HELLS: variants seen among roughly 807,000 people sequenced by gnomAD.
HELLS encodes the protein helicase, lymphoid specific, also known as lymphoid-specific helicase.
Under a neutral mutation model 120.0 loss-of-function variants are expected in HELLS, and 32 were observed. The ratio of observed to expected loss-of-function variants is 0.27; its 90% CI spans 0.20 to 0.36. HELLS has a LOEUF of 0.36. Among genes scored for constraint, HELLS ranks in the 10% least tolerant of loss-of-function variants. The pLI is 1.00. For missense variants in HELLS, 650 were observed against 993.4 expected, an observed-to-expected ratio of 0.65 and a Z score of 4.65; for synonymous variants, 341 against 323.4, an observed-to-expected ratio of 1.05 and a Z score of -0.58.
intron 19 of HELLS, among the ~76,000 whole-genome samples, chr10:94,596,359 C>T (rs1376517353): frequency 6.6e-6 from 1 of 152,210 alleles, no homozygotes; most frequent in African/African-American, 2.4e-5. Flanking sequence ...AATTCCTATG[C>T]TCCCCTTACC....
chr10:94,610,260 G>A (rs990989910), exon 10 of HELLS: 2 of 152,000 alleles, frequency 1.3e-5, no homozygotes, highest in African/African-American at 2.4e-5. Context: ...AAAACCAAGC[G>A]AATACACTGG....
At chr10:94,568,501 C>T (rs941524936) in intron 6 of HELLS, among the ~76,000 whole-genome samples, 1 of 152,042 alleles carries the variant, frequency 6.6e-6, no homozygotes, top group Non-Finnish European at 1.5e-5. Flanking sequence ...TCATTTGCTG[C>T]TACTCTGGTG....
intron 7 of HELLS, among the ~76,000 whole-genome samples, chr10:94,572,750 T>A (rs953632399): frequency 6.6e-6 from 1 of 152,194 alleles, no homozygotes; most frequent in Non-Finnish European, 1.5e-5. Context: ...AGTACAGATT[T>A]TCCCCCCCAA....
At chr10:94,607,025 G>A (rs1846136705), downstream of HELLS, among the ~76,000 whole-genome samples, 1 of 152,196 alleles carries the variant, frequency 6.6e-6, no homozygotes, top group African/African-American at 2.4e-5. Flanking sequence ...AGGAGGGACA[G>A]TGTATTAGAG....
Position 94,588,337 on chromosome 10 carries a change from T to G in HELLS, c.1435T>G (p.Phe479Val). 1 of 1,612,942 alleles carries G rather than the reference T, an allele frequency of 6.2e-7. No individual in the cohort carries two copies. Among genetic ancestry groups the G allele is most frequent in the Non-Finnish European group, 8.5e-7 (1 of 1,179,356 alleles). Residue 479 changes from phenylalanine to valine, a missense_variant, in exon 13 of 22, where the codon TTT (phenylalanine) becomes GTT (valine). Around this residue, in one of 9 missense-constraint regions of HELLS, gnomAD observed 191 missense variants for 259.7 expected, o/e 0.74. Transcript: ENST00000348459. ...YAPLSKKQEI[F>V]YTAIVNRTIA... is the part of the protein sequence containing the mutation. ...TCCACTTTCAAAGAAGCAGGAGATCTTTTATACAGCCATTGTGAACCGTAC... is the reference window on the plus strand; with the variant it reads ...TCCACTTTCAAAGAAGCAGGAGATCGTTTATACAGCCATTGTGAACCGTAC...
At chr10:94,586,332 G>A (rs569374699) in intron 12 of HELLS, among the ~76,000 whole-genome samples, 28 of 152,068 alleles carry the variant, frequency 1.8e-4, no homozygotes, top group African/African-American at 6.3e-4. Flanking sequence ...TGTGTTAGCC[G>A]GGATGGTCTC....
chr10:94,589,211 G>A (rs899772432), intron 13 of HELLS, among the ~76,000 whole-genome samples: 11 of 152,140 alleles, frequency 7.2e-5, no homozygotes, highest in Non-Finnish European at 1.5e-4. Context: ...CATGCTTTCT[G>A]GAGATGAACT....
At chr10:94,600,111 T>G (rs933236202) in intron 21 of HELLS, among the ~76,000 whole-genome samples, 2 of 151,928 alleles carry the variant, frequency 1.3e-5, no homozygotes, top group African/African-American at 4.8e-5. Context: ...GGCAACACGG[T>G]GAAACCCTGT....
In HELLS at chr10:94,588,319, T is replaced by A. The variant is rs1373719401; in HGVS notation, c.1417T>A (p.Ser473Thr). The A allele has an allele frequency of 6.2e-6, 10 of 1,612,808 alleles. No individual in the cohort carries two copies. The highest frequency in any genetic ancestry group is 3.3e-5 in the Admixed American group (2 of 59,918). Residue 473 changes from serine (S) to threonine (T), a missense_variant, in exon 13 of 22, where the codon TCA becomes ACA. By Grantham distance (58) the Ser-to-Thr change is moderately conservative (BLOSUM62 1). Coordinates refer to ENST00000348459, the MANE Select transcript of HELLS (RefSeq NM_018063.5). The part of the protein sequence containing the change: ...KREVVVYAPL[S>T]KKQEIFYTAI... ...AGAAGTAGTCGTTTATGCTCCACTT[T>A]CAAAGAAGCAGGAGATCTTTTATAC... is the stretch of plus-strand genomic sequence containing the variant.
chr10:94,607,092 C>A (rs1026646928), downstream of HELLS, among the ~76,000 whole-genome samples: 2 of 152,128 alleles, frequency 1.3e-5, no homozygotes, highest in Non-Finnish European at 2.9e-5. Flanking sequence ...TCTACCCTGT[C>A]TATATGTGGA....
At chr10:94,581,784 C>A (rs1273936945) in intron 11 of HELLS, among the ~76,000 whole-genome samples, 1 of 152,100 alleles carries the variant, frequency 6.6e-6, no homozygotes, top group Non-Finnish European at 1.5e-5. Context: ...TTATGTGTTA[C>A]CTTTGTAAAA....
chr10:94,607,169 G>A (rs1204970515), intron 8 of HELLS, among the ~76,000 whole-genome samples: 3 of 152,186 alleles, frequency 2.0e-5, no homozygotes, highest in Non-Finnish European at 2.9e-5. Context: ...CACTGTGAGG[G>A]GGAGTGGTAA....
chr10:94,593,023 C>T (rs971843863), intron 17 of HELLS, among the ~76,000 whole-genome samples: 3 of 152,114 alleles, frequency 2.0e-5, no homozygotes, highest in Non-Finnish European at 4.4e-5. Flanking sequence ...ATGACTTCAG[C>T]ATATTTTATC....
intron 9 of HELLS, among the ~76,000 whole-genome samples, chr10:94,608,885 A>G (rs1846157222): frequency 1.3e-5 from 2 of 152,050 alleles, no homozygotes; most frequent in Admixed American, 1.3e-4. Context: ...TCTGGCCTCA[A>G]GCAATCTTCC....
At chr10:94,590,384 T>C (rs552151789) in intron 13 of HELLS, 29 bp from the exon 14 acceptor site, 2 of 1,579,108 alleles carry the variant, frequency 1.3e-6, no homozygotes, top group Non-Finnish European at 1.7e-6. Context: ...CTTTATAAAC[T>C]GAATTTCTTT....
At chr10:94,609,302 C>T (rs1413455043) in intron 9 of HELLS, among the ~76,000 whole-genome samples, 2 of 152,136 alleles carry the variant, frequency 1.3e-5, no homozygotes, top group Admixed American at 1.3e-4. Context: ...GGATTACAGG[C>T]ATGAGCCACT....
chr10:94,596,494 T>G (rs1313862454), intron 19 of HELLS, among the ~76,000 whole-genome samples: 1 of 152,206 alleles, frequency 6.6e-6, no homozygotes, highest in Admixed American at 6.5e-5. Context: ...TAGAATTTTT[T>G]TCTTTTAATT....
chr10:94,591,263 CTTTT>C (rs1344628045), intron 15 of HELLS, among the ~76,000 whole-genome samples: 9 of 152,126 alleles, frequency 5.9e-5, no homozygotes, highest in African/African-American at 1.9e-4. Flanking sequence ...TTCACTATTT[CTTTT>C]ATCATTAATA....
chr10:94,588,154 G>C, intron 12 of HELLS, 75 bp from the exon 13 acceptor site: 2 of 766,828 alleles, frequency 2.6e-6, no homozygotes, highest in Non-Finnish European at 4.2e-6. Flanking sequence ...AGGTAAAGGA[G>C]TATATGGGGA....
Sources: allele counts gnomAD v4.1 joint callset (sites outside exome capture counted in the v4.1 genomes callset), GRCh38; gene constraint gnomAD v4.1.1; regional missense constraint gnomAD v4.1.1; transcripts MANE v1.5; gene names NCBI Gene and HGNC (gene_info 2026-07-23, HGNC 2026-07-21).